The following RAB35 variants were observed in gnomAD, a reference collection of about 807,000 sequenced individuals.
The protein encoded by RAB35 is ras-related protein Rab-35.
RAB35 carries 4 observed loss-of-function variants against 28.9 expected under a neutral mutation model. The ratio of observed to expected loss-of-function variants is 0.14; its 90% CI spans 0.07 to 0.32. The LOEUF is 0.32. Among genes scored for constraint, RAB35 ranks in the 10% least tolerant of loss-of-function variants. The pLI, the probability that RAB35 is intolerant of heterozygous loss-of-function variation, is 1.00. For missense variants in RAB35, 128 were observed against 274.0 expected (o/e 0.47, Z 3.76); for synonymous variants, 99 against 105.1 (o/e 0.94, Z 0.35).
chr12:120,099,038 C>T lies in RAB35; in HGVS notation c.344G>A (p.Arg115Gln), dbSNP rs751790181. The change falls in exon 4 of 6, where the codon CGA (arginine) becomes CAA (glutamine). Residue 115 changes from arginine (R) to glutamine (Q), a missense_variant. Physicochemically the swap from Arg to Gln is conservative, Grantham distance 43 (BLOSUM62 1). Coordinates refer to ENST00000229340, the MANE Select transcript of RAB35 (RefSeq NM_006861.7). The stretch of plus-strand genomic sequence containing the variant: ...CCTGAGTGCAGCCTCACCTAATATT[C>T]GGCACACATCATCACAGTTCTGGTT... ...EINQNCDDVC[R>Q]ILVGNKNDDP... is the part of the protein sequence containing the mutation. The T allele has an allele frequency of 5.7e-6, 9 of 1,590,566 alleles. No individual in the cohort carries two copies. Among genetic ancestry groups the T allele is most frequent in the Non-Finnish European group, 7.7e-6 (9 of 1,165,718 alleles).
rs1286029720 is a variant in RAB35 at position 120,097,091 on chromosome 12, G to A, written c.*154C>T. On this transcript the variant is annotated 3_prime_UTR_variant, in exon 6 of 6. Coordinates refer to ENST00000229340, the MANE Select transcript of RAB35 (RefSeq NM_006861.7). ...ACCTTCTTGGCACTCGAGGAGGGCG[G>A]GGGAGGAAGTGCCGATGGCACCTCC... 1.3e-6 allele frequency: 2 copies of A among 1,572,078 alleles called. No individual in the cohort carries two copies. The highest frequency in any genetic ancestry group is 1.3e-5 in the African/African-American group (1 of 74,132).
chr12:120,109,494 G>C (rs1170873093), intron 1 of RAB35, among the ~76,000 whole-genome samples: 1 of 151,956 alleles, frequency 6.6e-6, no homozygotes, highest in African/African-American at 2.4e-5. Flanking sequence ...ACTCAGGCTG[G>C]AGTACAATGG....
At chr12:120,099,329 G>T in intron 3 of RAB35, 175 bp from the exon 4 acceptor site, 5 of 815,182 alleles carry the variant, frequency 6.1e-6, no homozygotes, top group Non-Finnish European at 9.4e-6. Flanking sequence ...AGCAGGAGAG[G>T]CTACTGCGGC....
At position 120,106,660 on chromosome 12, in the gene RAB35, C is replaced by T. The variant is rs551602327; in HGVS notation, c.103+1757G>A. 2.7e-5 allele frequency among the ~76,000 whole-genome samples: 4 copies of T among 147,824 alleles called. No homozygotes were observed. In the East Asian group the frequency reaches 6.0e-4, roughly 22 times the overall value. ...AGGCTGGAGTGCTGTGACAAGATCTCGGCTCACTGCAACCAACTCCCTGGT... is the reference window on the plus strand; with the variant it reads ...AGGCTGGAGTGCTGTGACAAGATCTTGGCTCACTGCAACCAACTCCCTGGT... On this transcript the variant is annotated intron_variant, in intron 2 of 5. Transcript: ENST00000229340.
chr12:120,106,585 C>T (rs979648020), intron 2 of RAB35, among the ~76,000 whole-genome samples: 1 of 132,096 alleles, frequency 7.6e-6, no homozygotes, highest in Non-Finnish European at 1.5e-5. Context: ...GAATCACTTT[C>T]TTTTTCTTTT....
At position 120,108,476 on chromosome 12, in the gene RAB35, G is replaced by T; in HGVS notation, c.53-9C>A. ...ACTGCTCTTGCCCACACCTGCAAGA[G>T]AGAAAGCACTGCGATGAGGGGGGCA... On this transcript the variant is annotated splice_polypyrimidine_tract_variant and intron_variant, in intron 1 of 5. Transcript: ENST00000229340. 6.2e-7 allele frequency: 1 copy of T among 1,613,710 alleles called. No individual in the cohort carries two copies.
chr12:120,114,226 T>A (rs1047006849), intron 1 of RAB35, among the ~76,000 whole-genome samples: 1 of 152,210 alleles, frequency 6.6e-6, no homozygotes, highest in East Asian at 1.9e-4. Context: ...CCCAAGTAGC[T>A]GGGATTACAG....
chr12:120,102,486 A>C (rs3852587), intron 3 of RAB35, among the ~76,000 whole-genome samples: 131,009 of 152,210 alleles, frequency 0.86, 56,874 homozygotes, highest in East Asian at 1. Context: ...GCACCACACC[A>C]GGGCGACCCC....
chr12:120,104,664 G>C (rs912073054), intron 2 of RAB35, among the ~76,000 whole-genome samples: 7 of 152,052 alleles, frequency 4.6e-5, no homozygotes, highest in Admixed American at 2.0e-4. Flanking sequence ...GTGGGGGGGG[G>C]ACAGCGTCTC....
intron 2 of RAB35, among the ~76,000 whole-genome samples, chr12:120,106,585 CTTTT>C (rs1278347329): frequency 7.6e-6 from 1 of 132,106 alleles, no homozygotes; most frequent in Non-Finnish European, 1.5e-5. Context: ...GAATCACTTT[CTTTT>C]TCTTTTTTTT....
At chr12:120,115,009 G>A (rs921112374) in intron 1 of RAB35, among the ~76,000 whole-genome samples, 5 of 152,156 alleles carry the variant, frequency 3.3e-5, no homozygotes, top group Non-Finnish European at 5.9e-5. Flanking sequence ...AGACCCTGAA[G>A]AATACCAAAG....
At chr12:120,112,711 G>A (rs1229376895) in intron 1 of RAB35, among the ~76,000 whole-genome samples, 1 of 148,284 alleles carries the variant, frequency 6.7e-6, no homozygotes, top group Non-Finnish European at 1.5e-5. Context: ...TTACAGGTGT[G>A]AGCTACCGTG....
chr12:120,113,064 G>C (rs549738253), intron 1 of RAB35, among the ~76,000 whole-genome samples: 8 of 151,368 alleles, frequency 5.3e-5, no homozygotes, highest in Admixed American at 2.6e-4. Flanking sequence ...CTAATTTTTT[G>C]TGTTTTAAGT....
chr12:120,106,464 C>G (rs1156808218), intron 2 of RAB35, among the ~76,000 whole-genome samples: 1 of 152,104 alleles, frequency 6.6e-6, no homozygotes, highest in Admixed American at 6.6e-5. Flanking sequence ...GCTAAGGTCA[C>G]ACAGAGCAGC....
intron 3 of RAB35, among the ~76,000 whole-genome samples, chr12:120,101,233 C>T (rs1048909435): frequency 6.6e-6 from 1 of 152,202 alleles, no homozygotes; most frequent in African/African-American, 2.4e-5. Context: ...TATCCATTAC[C>T]TTATTAATGT....
In RAB35 at chr12:120,099,118, G is replaced by A. The variant is rs370797112; in HGVS notation, c.264C>T (p.Tyr88=). The part of the protein sequence containing the change: ...YRGTHGVIVV[Y]DVTSAESFVN... ...CAAAGGACTCGGCACTGGTGACGTC[G>A]TAAACCACAATGACCCCGTGGGTCC... Residue 88 remains tyrosine (Y), a synonymous_variant, in exon 4 of 6, where the codon TAC becomes TAT. Transcript: ENST00000229340. 2.5e-5 allele frequency: 41 copies of A among 1,614,132 alleles called. No individual in the cohort carries two copies. The highest frequency in any genetic ancestry group is 1.1e-4 in the East Asian group (5 of 44,904).
intron 2 of RAB35, among the ~76,000 whole-genome samples, chr12:120,104,935 G>A (rs1875812184): frequency 6.6e-6 from 1 of 152,334 alleles, no homozygotes; most frequent in South Asian, 2.1e-4. Context: ...TGCCCGGCCT[G>A]AAAGATGGAT....
intron 1 of RAB35, among the ~76,000 whole-genome samples, chr12:120,114,751 T>A (rs1203892473): frequency 1.3e-5 from 2 of 152,214 alleles, no homozygotes; most frequent in Non-Finnish European, 1.5e-5. Flanking sequence ...CAAAATGTAC[T>A]GTGAGAAAGC....
At chr12:120,101,390 C>T (rs1331050372) in intron 3 of RAB35, among the ~76,000 whole-genome samples, 1 of 152,172 alleles carries the variant, frequency 6.6e-6, no homozygotes, top group Non-Finnish European at 1.5e-5. Context: ...GTCACTTCTC[C>T]CCTCACCTCC....
Sources: gnomAD v4.1 joint callset for allele counts (sites outside exome capture counted in the v4.1 genomes callset) on GRCh38, gnomAD v4.1.1 for gene constraint, MANE v1.5 for transcripts, NCBI Gene and HGNC (gene_info 2026-07-23, HGNC 2026-07-21) for gene names.